The following MTDH variants were observed in gnomAD, a reference collection of about 807,000 sequenced individuals.
MTDH encodes the protein protein LYRIC.
A neutral mutation model predicts 72.7 loss-of-function variants in MTDH; 34 were observed. That is an observed-to-expected ratio of 0.47 (90% CI 0.36 to 0.62). The LOEUF (loss-of-function observed/expected upper bound fraction) is 0.62. MTDH is among the 20% of genes least tolerant of loss of function. The pLI, the probability that MTDH is intolerant of heterozygous loss-of-function variation, is 0.00. For synonymous variants in MTDH, 266 were observed against 268.9 expected (o/e 0.99, Z 0.10); for missense variants, 677 against 699.4 (o/e 0.97, Z 0.36).
intron 2 of MTDH, among the ~76,000 whole-genome samples, chr8:97,665,942 C>T (rs914895599): frequency 1.3e-5 from 2 of 152,020 alleles, no homozygotes; most frequent in Non-Finnish European, 2.9e-5. Flanking sequence ...TCCTGGCTAA[C>T]ACAGTGAAAC....
Position 97,729,907 on chromosome 8 carries a change from A to G in MTDH, c.*5237A>G, listed in dbSNP as rs761192421. ...TGCGCATACTGCAAGTACAGACTATATAACAAGTTGAAAGAGAATCACCCT... is the reference window on the plus strand; with the variant it reads ...TGCGCATACTGCAAGTACAGACTATGTAACAAGTTGAAAGAGAATCACCCT... On this transcript the variant is annotated 3_prime_UTR_variant, in exon 12 of 12. Transcript: ENST00000336273. Among the ~76,000 whole-genome samples the G allele has an allele frequency of 5.9e-5, 9 of 152,218 alleles. No individual in the cohort carries two copies. Among genetic ancestry groups the G allele is most frequent in the Non-Finnish European group, 8.8e-5 (6 of 68,044 alleles).
In MTDH at chr8:97,644,470, C is replaced by T. The variant is rs1247734857; in HGVS notation, c.-37C>T. On this transcript the variant is annotated 5_prime_UTR_variant, in exon 1 of 12. Coordinates refer to ENST00000336273, the MANE Select transcript of MTDH (RefSeq NM_178812.4). ...ACTATTCCACTGCGTCTCCGCGCCCCGGCGTCATCCTGCGAGTCCCTCTGA... is the reference window on the plus strand; with the variant it reads ...ACTATTCCACTGCGTCTCCGCGCCCTGGCGTCATCCTGCGAGTCCCTCTGA... The T allele has an allele frequency of 1.3e-6, 2 of 1,533,878 alleles. No homozygotes were observed.
At chr8:97,697,430 G>GTTTTTTCTTT in intron 6 of MTDH, among the ~76,000 whole-genome samples, 1 of 139,162 alleles carries the variant, frequency 7.2e-6, no homozygotes. Context: ...TTTGTTGCCA[G>GTTTTTTCTTT]GCTGGAGTGC....
At chr8:97,696,684 G>T (rs1813845634) in intron 6 of MTDH, among the ~76,000 whole-genome samples, 1 of 152,060 alleles carries the variant, frequency 6.6e-6, no homozygotes, top group Non-Finnish European at 1.5e-5. Flanking sequence ...TCAGGTTATG[G>T]ATTCCCACAT....
Position 97,723,050 on chromosome 8 carries a change from T to C in MTDH, c.1678+15T>C. The C allele has an allele frequency of 6.2e-7, 1 of 1,610,966 alleles. No individual in the cohort carries two copies. Among genetic ancestry groups the C allele is most frequent in the Non-Finnish European group, 8.5e-7 (1 of 1,178,580 alleles). ...TCCTTCACAGAGTAAGTAATCCTCA[T>C]TTTTTGTTCCTTTGTACTGTTTACA... On this transcript the variant is annotated intron_variant, in intron 11 of 11. Coordinates refer to ENST00000336273, the MANE Select transcript of MTDH (RefSeq NM_178812.4).
chr8:97,658,120 A>G (rs2130926681), intron 1 of MTDH, among the ~76,000 whole-genome samples: 1 of 152,262 alleles, frequency 6.6e-6, no homozygotes, highest in East Asian at 1.9e-4. Context: ...GTTTCATGGC[A>G]TCAGGCATGT....
intron 6 of MTDH, among the ~76,000 whole-genome samples, chr8:97,698,833 A>G (rs1473187298): frequency 6.6e-6 from 1 of 152,236 alleles, no homozygotes; most frequent in Non-Finnish European, 1.5e-5. Context: ...AGGAAAAAAC[A>G]ACTTTTTTTG....
chr8:97,676,607 G>A (rs954326581), intron 2 of MTDH, among the ~76,000 whole-genome samples: 48 of 152,186 alleles, frequency 3.2e-4, no homozygotes, highest in African/African-American at 1.1e-3. Flanking sequence ...GGTGGCTGAC[G>A]CCTGCAATCC....
chr8:97,704,300 T>G (rs1442313591), intron 7 of MTDH, among the ~76,000 whole-genome samples: 1 of 152,250 alleles, frequency 6.6e-6, no homozygotes, highest in Non-Finnish European at 1.5e-5. Context: ...GGATTCTATT[T>G]TACTTGTTTT....
intron 6 of MTDH, among the ~76,000 whole-genome samples, chr8:97,697,642 C>G (rs1248479952): frequency 6.6e-6 from 1 of 152,072 alleles, no homozygotes; most frequent in Non-Finnish European, 1.5e-5. Context: ...GCCTTGGCCT[C>G]CCAAAGTGCT....
chr8:97,683,355 G>A (rs374771169), intron 2 of MTDH, among the ~76,000 whole-genome samples: 2 of 151,342 alleles, frequency 1.3e-5, no homozygotes, highest in East Asian at 1.9e-4. Context: ...GAGCCACCAC[G>A]CCCAGCCTCT....
chr8:97,692,189 T>A (rs1311953889), intron 6 of MTDH, among the ~76,000 whole-genome samples: 1 of 142,200 alleles, frequency 7.0e-6, no homozygotes, highest in Non-Finnish European at 1.5e-5. Flanking sequence ...GCCTATAGTT[T>A]TGCTTTAGTG....
At chr8:97,706,446 C>T in intron 7 of MTDH, 180 bp from the exon 8 acceptor site, 1 of 428,218 alleles carries the variant, frequency 2.3e-6, no homozygotes, top group Non-Finnish European at 3.9e-6. Context: ...ATATGCTTAG[C>T]AGAAATTGAA....
chr8:97,653,130 A>G (rs1011427810), intron 1 of MTDH, among the ~76,000 whole-genome samples: 1 of 152,184 alleles, frequency 6.6e-6, no homozygotes, highest in African/African-American at 2.4e-5. Flanking sequence ...AAAAAGAAAA[A>G]AAAAAAAAGA....
intron 1 of MTDH, among the ~76,000 whole-genome samples, chr8:97,645,799 A>T (rs1178892305): frequency 6.6e-6 from 1 of 152,170 alleles, no homozygotes; most frequent in South Asian, 2.1e-4. Flanking sequence ...ATGTATTTTT[A>T]AAAATATTTT....
Position 97,725,043 on chromosome 8 carries a change from G to T in MTDH, c.*373G>T, listed in dbSNP as rs955044181. On this transcript the variant is annotated 3_prime_UTR_variant, in exon 12 of 12. Coordinates refer to ENST00000336273, the MANE Select transcript of MTDH (RefSeq NM_178812.4). ...AAGAGGGTTGCCTACAGATTAGTAAGCAATTCCTTGGATCTTATGCACAGA... is the reference window on the plus strand; with the variant it reads ...AAGAGGGTTGCCTACAGATTAGTAATCAATTCCTTGGATCTTATGCACAGA... The T allele has an allele frequency of 6.3e-6, 1 of 157,970 alleles. No individual in the cohort carries two copies. The highest frequency in any genetic ancestry group is 1.4e-5 in the Non-Finnish European group (1 of 71,558). 9.8% of individuals were successfully genotyped at this position (157,970 alleles called of 1,614,324 possible).
At chr8:97,711,250 C>T (rs985770414) in intron 8 of MTDH, among the ~76,000 whole-genome samples, 2 of 151,440 alleles carry the variant, frequency 1.3e-5, no homozygotes, top group Non-Finnish European at 2.9e-5. Flanking sequence ...GTAATCCCAG[C>T]ACTTTGGGAG....
chr8:97,686,801 A>G (rs375438148), intron 3 of MTDH, 49 bp downstream of exon 3: 4 of 1,275,042 alleles, frequency 3.1e-6, no homozygotes, highest in Non-Finnish European at 3.3e-6. Context: ...ATCCTTTTTT[A>G]TCAAAGTGTA....
chr8:97,680,720 C>T (rs1349912273), intron 2 of MTDH, among the ~76,000 whole-genome samples: 3 of 152,142 alleles, frequency 2.0e-5, no homozygotes, highest in Non-Finnish European at 4.4e-5. Context: ...TGAGTGATGT[C>T]TGTTTTGAAT....
Sources: gnomAD v4.1 joint callset for allele counts (sites outside exome capture counted in the v4.1 genomes callset) on GRCh38, gnomAD v4.1.1 for gene constraint, MANE v1.5 for transcripts, NCBI Gene and HGNC (gene_info 2026-07-23, HGNC 2026-07-21) for gene names.